KAZN: variants seen among roughly 807,000 people sequenced by gnomAD.
The protein encoded by KAZN is kazrin, periplakin interacting protein.
In KAZN, 40 loss-of-function variants were observed where a neutral mutation model predicts 87.4. The ratio of observed to expected loss-of-function variants is 0.46; its 90% CI spans 0.36 to 0.60. KAZN has a LOEUF of 0.60. Among genes scored for constraint, KAZN ranks in the 20% least tolerant of loss-of-function variants. The probability of loss-of-function intolerance (pLI) is 0.00; values close to 1 mark genes in which losing one functional copy is unlikely to be tolerated. For synonymous variants in KAZN, 466 were observed against 458.3 expected (o/e 1.02, Z -0.22); for missense variants, 898 against 1,073.9 (o/e 0.84, Z 2.29).
At chr1:14,126,160 G>A (rs1238207662) in intron 1 of KAZN, among the ~76,000 whole-genome samples, 1 of 152,152 alleles carries the variant, frequency 6.6e-6, no homozygotes, top group Admixed American at 6.5e-5. Flanking sequence ...GCAAAGTGAA[G>A]CTAGGATTCC....
intron 2 of KAZN, among the ~76,000 whole-genome samples, chr1:14,201,725 A>G (rs770752596): frequency 6.6e-6 from 1 of 152,168 alleles, no homozygotes; most frequent in African/African-American, 2.4e-5. Context: ...CTGGAGTGCA[A>G]TGGCAGGATC....
chr1:13,911,787 A>T (rs1473206031), intron 1 of KAZN, among the ~76,000 whole-genome samples: 1 of 152,162 alleles, frequency 6.6e-6, no homozygotes, highest in African/African-American at 2.4e-5. Context: ...ATAAGGCATG[A>T]TGCAGCTTGG....
intron 1 of KAZN, among the ~76,000 whole-genome samples, chr1:14,638,445 T>C (rs1680163151): frequency 6.6e-6 from 1 of 151,866 alleles, no homozygotes; most frequent in South Asian, 2.1e-4. Context: ...GGCTCATGCC[T>C]GTAATCCCAG....
intron 1 of KAZN, among the ~76,000 whole-genome samples, chr1:14,669,513 C>T (rs549420862): frequency 3.3e-5 from 5 of 152,256 alleles, no homozygotes; most frequent in Admixed American, 2.6e-4. Context: ...TGAAGCTGAG[C>T]GGGGAGGATT....
chr1:13,923,248 A>C (rs1255924477), intron 1 of KAZN, among the ~76,000 whole-genome samples: 2 of 152,332 alleles, frequency 1.3e-5, no homozygotes, highest in South Asian at 4.1e-4. Context: ...TAAGCTAGAG[A>C]AAAAAGGTTA....
At chr1:14,967,978 C>T (rs1167302879) in intron 2 of KAZN, among the ~76,000 whole-genome samples, 1 of 152,202 alleles carries the variant, frequency 6.6e-6, no homozygotes, top group Non-Finnish European at 1.5e-5. Context: ...ACAGTTTTTC[C>T]ACGGACCAGG....
In KAZN at chr1:15,081,004, T is replaced by C. The variant is rs564052654; in HGVS notation, c.1223-13176T>C. Among the ~76,000 whole-genome samples the C allele has an allele frequency of 2.0e-4, 30 of 152,338 alleles. No homozygotes were observed. Among genetic ancestry groups the C allele is most frequent in the South Asian group, 4.1e-4 (2 of 4,830 alleles). ...GTGCCAAAGTTCAGAGGCCTTGCCG[T>C]AGGCAGAGGGACAAGAGAATGGTAG... On this transcript the variant is annotated intron_variant, in intron 8 of 14. Coordinates refer to ENST00000376030, the MANE Select transcript of KAZN (RefSeq NM_201628.3). The surrounding 1 kb of genome is among the most constrained non-coding windows in gnomAD (Gnocchi z 4.1).
At chr1:14,245,215 T>G (rs529189984) in intron 2 of KAZN, among the ~76,000 whole-genome samples, 105 of 152,048 alleles carry the variant, frequency 6.9e-4, no homozygotes, top group African/African-American at 2.4e-3. Flanking sequence ...TCCTCCCACC[T>G]CGGCCTCAGG....
intron 2 of KAZN, among the ~76,000 whole-genome samples, chr1:14,409,343 C>T (rs1335062191): frequency 6.6e-6 from 1 of 152,100 alleles, no homozygotes; most frequent in African/African-American, 2.4e-5. Flanking sequence ...CACATGAAGC[C>T]AGGACTCTGG....
At chr1:14,180,436 T>C in exon 2 of KAZN, 1 of 1,549,730 alleles carries the variant, frequency 6.5e-7, no homozygotes. Context: ...TTTCCACAGC[T>C]GTGCAATCAT....
intron 2 of KAZN, among the ~76,000 whole-genome samples, chr1:14,326,201 C>T (rs564125370): frequency 3.9e-5 from 6 of 152,118 alleles, no homozygotes; most frequent in Non-Finnish European, 7.4e-5. Context: ...CCCCCTACCC[C>T]CGCCCCACCG....
intron 1 of KAZN, among the ~76,000 whole-genome samples, chr1:14,747,458 A>G (rs1339780884): frequency 6.6e-6 from 1 of 152,148 alleles, no homozygotes; most frequent in Non-Finnish European, 1.5e-5. Flanking sequence ...TCTATTTTCA[A>G]TAGAGACGGG....
intron 1 of KAZN, among the ~76,000 whole-genome samples, chr1:13,900,268 C>G (rs1639200683): frequency 6.6e-6 from 1 of 152,100 alleles, no homozygotes; most frequent in African/African-American, 2.4e-5. Flanking sequence ...GAAAGAGACA[C>G]ATGTGAGGCA....
intron 1 of KAZN, among the ~76,000 whole-genome samples, chr1:13,943,459 A>T (rs546496893): frequency 5.6e-4 from 85 of 152,214 alleles, no homozygotes; most frequent in Admixed American, 1.2e-3. Flanking sequence ...AAAATTTTTT[A>T]AAAAAAATAA....
At chr1:14,671,570 A>G (rs146314387) in intron 1 of KAZN, among the ~76,000 whole-genome samples, 1 of 152,114 alleles carries the variant, frequency 6.6e-6, no homozygotes, top group East Asian at 1.9e-4. Flanking sequence ...TAGGCCCACC[A>G]CTTATTTATT....
Position 13,970,671 on chromosome 1 carries a change from G to T in KAZN, c.91+76915G>T, listed in dbSNP as rs1642105728. On this transcript the variant is annotated intron_variant, in intron 1 of 16. Transcript: ENST00000636203. ...CTTTTAAGAGAATTCTATTTTTCTTGACCAAAATGTCAAAACATCTCTTTT... is the reference window on the plus strand; with the variant it reads ...CTTTTAAGAGAATTCTATTTTTCTTTACCAAAATGTCAAAACATCTCTTTT... Among the ~76,000 whole-genome samples the T allele has an allele frequency of 3.3e-5, 5 of 152,120 alleles. No individual in the cohort carries two copies. The South Asian group carries it at 1.0e-3, about 32-fold the overall frequency.
At chr1:15,023,845 C>T (rs557880826) in intron 2 of KAZN, among the ~76,000 whole-genome samples, 18 of 146,064 alleles carry the variant, frequency 1.2e-4, no homozygotes, top group African/African-American at 4.6e-4. Flanking sequence ...GTCCTGGTGC[C>T]ATGTTGAAGG....
intron 1 of KAZN, among the ~76,000 whole-genome samples, chr1:14,789,698 C>T (rs555205457): frequency 7.3e-6 from 1 of 136,566 alleles, no homozygotes; most frequent in Non-Finnish European, 1.5e-5. Context: ...CTCAAGTCAT[C>T]TGTCCTCTTA....
At chr1:14,342,922 C>T (rs1308644990) in intron 2 of KAZN, among the ~76,000 whole-genome samples, 1 of 152,138 alleles carries the variant, frequency 6.6e-6, no homozygotes, top group African/African-American at 2.4e-5. Context: ...GGGAGAATCA[C>T]CTGAGGTCAG....
Sources: gnomAD v4.1 joint callset for allele counts (sites outside exome capture counted in the v4.1 genomes callset) on GRCh38, gnomAD v4.1.1 for gene constraint, Gnocchi (gnomAD v3.1) non-coding constraint, MANE v1.5 for transcripts, NCBI Gene and HGNC (gene_info 2026-07-23, HGNC 2026-07-21) for gene names.